The following NKAIN2 variants were observed in gnomAD, a reference collection of about 807,000 sequenced individuals.
The protein encoded by NKAIN2 is sodium/potassium transporting ATPase interacting 2.
NKAIN2 carries 14 observed loss-of-function variants against 32.6 expected under a neutral mutation model. The observed-to-expected ratio is 0.43, with a 90% confidence interval of 0.28 to 0.67. The LOEUF is 0.67. Among genes scored for constraint, NKAIN2 ranks in the 30% least tolerant of loss-of-function variants. The pLI is 0.17. For missense variants in NKAIN2, 198 were observed against 258.3 expected, an observed-to-expected ratio of 0.77 and a Z score of 1.60; for synonymous variants, 80 against 87.2, an observed-to-expected ratio of 0.92 and a Z score of 0.46.
chr6:124,063,201 A>G (rs1220675544), intron 1 of NKAIN2, among the ~76,000 whole-genome samples: 2 of 151,848 alleles, frequency 1.3e-5, no homozygotes, highest in African/African-American at 2.4e-5. Context: ...AAAATTATAT[A>G]TATATATCTA....
intron 3 of NKAIN2, among the ~76,000 whole-genome samples, chr6:124,487,728 G>A (rs1055169334): frequency 8.5e-5 from 13 of 152,130 alleles, no homozygotes; most frequent in African/African-American, 2.6e-4. Flanking sequence ...GCAAATGAAG[G>A]ATTATGGAGT....
intron 3 of NKAIN2, among the ~76,000 whole-genome samples, chr6:124,400,685 A>G (rs1339826401): frequency 6.6e-6 from 1 of 152,116 alleles, no homozygotes; most frequent in Non-Finnish European, 1.5e-5. Context: ...ACATTTTTAA[A>G]TTATTTTTAT....
intron 3 of NKAIN2, among the ~76,000 whole-genome samples, chr6:124,626,892 T>C (rs1037794969): frequency 2.6e-5 from 4 of 152,174 alleles, no homozygotes; most frequent in African/African-American, 9.6e-5. Flanking sequence ...GCCCCTTTTT[T>C]GCCGTGTTAT....
At chr6:123,825,945 T>C (rs763562450) in intron 1 of NKAIN2, among the ~76,000 whole-genome samples, 1 of 152,198 alleles carries the variant, frequency 6.6e-6, no homozygotes. Flanking sequence ...GATTAAGAAC[T>C]GCTGTGGTTT....
At chr6:124,211,135 A>G (rs915206238) in intron 1 of NKAIN2, among the ~76,000 whole-genome samples, 1 of 151,902 alleles carries the variant, frequency 6.6e-6, no homozygotes, top group African/African-American at 2.4e-5. Context: ...ATAAATACTT[A>G]TTAAATTTTC....
chr6:123,838,299 G>T (rs553006392), intron 1 of NKAIN2, among the ~76,000 whole-genome samples: 1 of 151,842 alleles, frequency 6.6e-6, no homozygotes, highest in Non-Finnish European at 1.5e-5. Flanking sequence ...TAACCGAAAG[G>T]GTTTTGAAAG....
chr6:124,703,546 T>G (rs1164766670), intron 4 of NKAIN2, among the ~76,000 whole-genome samples: 1 of 151,956 alleles, frequency 6.6e-6, no homozygotes, highest in Non-Finnish European at 1.5e-5. Flanking sequence ...TCTGTGGTAC[T>G]GTAGACAAGA....
At chr6:124,298,315 A>C (rs1424732772) in intron 2 of NKAIN2, among the ~76,000 whole-genome samples, 2 of 151,934 alleles carry the variant, frequency 1.3e-5, no homozygotes, top group South Asian at 2.1e-4. Context: ...TTTCTTCTTT[A>C]TCTCTTTCTA....
intron 2 of NKAIN2, among the ~76,000 whole-genome samples, chr6:124,329,339 A>G (rs190095235): frequency 1.2e-3 from 188 of 152,284 alleles, no homozygotes; most frequent in African/African-American, 4.4e-3. Context: ...ATCAGGATCT[A>G]TTACTTCTGC....
chr6:123,863,977 C>A (rs915731877), intron 1 of NKAIN2, among the ~76,000 whole-genome samples: 1 of 152,176 alleles, frequency 6.6e-6, no homozygotes, highest in African/African-American at 2.4e-5. Flanking sequence ...ATCTTTCCTT[C>A]TTTCAGCTAT....
At position 124,715,695 on chromosome 6, in the gene NKAIN2, C is replaced by T. The variant is rs192731832; in HGVS notation, c.474+57309C>T. Among the ~76,000 whole-genome samples the T allele has an allele frequency of 1.1e-3, 170 of 152,280 alleles. 1 individual carries two copies. The highest frequency in any genetic ancestry group is 3.9e-3 in the African/African-American group (164 of 41,566). Reference sequence around the variant, plus strand: ...CCATGGACCATCCCATAAATTCCTGCCCCCTGTCACTGCCTCTGCCCAACT... The same window carrying T: ...CCATGGACCATCCCATAAATTCCTGTCCCCTGTCACTGCCTCTGCCCAACT... On this transcript the variant is annotated intron_variant, in intron 4 of 6. Transcript: ENST00000368417.
At chr6:124,720,718 C>T (rs535161684) in intron 4 of NKAIN2, among the ~76,000 whole-genome samples, 90 of 152,226 alleles carry the variant, frequency 5.9e-4, no homozygotes, top group African/African-American at 2.1e-3. Context: ...TGGGACTGGG[C>T]GACACCTCAG....
chr6:124,547,924 G>T (rs1438284574), intron 3 of NKAIN2, among the ~76,000 whole-genome samples: 1 of 152,018 alleles, frequency 6.6e-6, no homozygotes, highest in Admixed American at 6.6e-5. Flanking sequence ...AAGCAAATTT[G>T]TAGCCATTCA....
At chr6:124,235,947 C>T (rs1222553525) in intron 1 of NKAIN2, among the ~76,000 whole-genome samples, 1 of 151,688 alleles carries the variant, frequency 6.6e-6, no homozygotes, top group African/African-American at 2.4e-5. Flanking sequence ...TTTTATATAG[C>T]CTGTTCTGTG....
intron 1 of NKAIN2, among the ~76,000 whole-genome samples, chr6:124,015,218 T>C (rs1231600137): frequency 6.6e-6 from 1 of 152,196 alleles, no homozygotes; most frequent in Non-Finnish European, 1.5e-5. Context: ...GCTTTCTCTT[T>C]CTTGGGAGTA....
intron 3 of NKAIN2, among the ~76,000 whole-genome samples, chr6:124,409,715 G>A (rs1774061610): frequency 6.6e-6 from 1 of 152,186 alleles, no homozygotes; most frequent in African/African-American, 2.4e-5. Context: ...CATAAAATGA[G>A]TTAGGGAGGA....
At chr6:124,091,411 AGAGAT>A (rs1784414462) in intron 1 of NKAIN2, among the ~76,000 whole-genome samples, 1 of 152,016 alleles carries the variant, frequency 6.6e-6, no homozygotes, top group African/African-American at 2.4e-5. Context: ...TTTCAGTAAA[AGAGAT>A]GAGATTTGAG....
intron 1 of NKAIN2, among the ~76,000 whole-genome samples, chr6:123,865,542 T>A (rs762281938): frequency 1.3e-5 from 2 of 152,338 alleles, no homozygotes; most frequent in Admixed American, 6.5e-5. Context: ...ATCGTTATAT[T>A]TCACTTATTT....
At chr6:124,723,568 A>T (rs1776132289) in intron 4 of NKAIN2, among the ~76,000 whole-genome samples, 1 of 152,196 alleles carries the variant, frequency 6.6e-6, no homozygotes, top group Non-Finnish European at 1.5e-5. Flanking sequence ...AGTGCCTTAG[A>T]CCTTAGCTAT....
Sources: allele counts gnomAD v4.1 joint callset (sites outside exome capture counted in the v4.1 genomes callset), GRCh38; gene constraint gnomAD v4.1.1; transcripts MANE v1.5; gene names NCBI Gene and HGNC (gene_info 2026-07-23, HGNC 2026-07-21).